HACD3: variants seen among roughly 807,000 people sequenced by gnomAD.
HACD3 encodes very-long-chain (3R)-3-hydroxyacyl-CoA dehydratase 3.
HACD3 carries 30 observed loss-of-function variants against 55.2 expected under a neutral mutation model. The observed-to-expected ratio is 0.54, with a 90% confidence interval of 0.41 to 0.74. HACD3 has a LOEUF of 0.74. HACD3 is among the 30% of genes least tolerant of loss of function. The pLI, the probability that HACD3 is intolerant of heterozygous loss-of-function variation, is 0.00. For synonymous variants in HACD3, 141 were observed against 151.7 expected (o/e 0.93, Z 0.52); for missense variants, 363 against 440.1 (o/e 0.82, Z 1.57).
rs143864751 is a variant in HACD3, at chr15:65,547,266, G to A, written c.88-4410G>A. Among the ~76,000 whole-genome samples the A allele has an allele frequency of 7.6e-3, 1,153 of 152,234 alleles. 15 individuals carry two copies. The highest frequency in any genetic ancestry group is 0.026 in the African/African-American group (1,098 of 41,548). Reference sequence around the variant, plus strand: ...TGAGTAGCTGGGATTACAGGCGCACGCCATCATGCCTGGCTAATTTTTGTA... The same window carrying A: ...TGAGTAGCTGGGATTACAGGCGCACACCATCATGCCTGGCTAATTTTTGTA... On this transcript the variant is annotated intron_variant, in intron 1 of 10. Transcript: ENST00000261875.
chr15:65,571,507 C>T, intron 8 of HACD3, 41 bp from the exon 9 acceptor site: 1 of 1,463,810 alleles, frequency 6.8e-7, no homozygotes, highest in Non-Finnish European at 9.5e-7. Context: ...CATTCGGAAC[C>T]TGAAGTGGCT....
At chr15:65,567,689 A>G (rs1037012892) in intron 7 of HACD3, among the ~76,000 whole-genome samples, 10 of 152,200 alleles carry the variant, frequency 6.6e-5, no homozygotes, top group Non-Finnish European at 8.8e-5. Context: ...TGTTACATAC[A>G]TACAATGGGA....
At chr15:65,574,274 A>G (rs561035682) in intron 10 of HACD3, 1 of 152,286 alleles carries the variant, frequency 6.6e-6, no homozygotes, top group African/African-American at 2.4e-5. Flanking sequence ...ATCTGCTCCA[A>G]GCTCACTCTT....
chr15:65,554,716 A>C (rs987615773), intron 2 of HACD3, among the ~76,000 whole-genome samples, 171 bp from the exon 3 acceptor site: 4 of 152,102 alleles, frequency 2.6e-5, no homozygotes, highest in Non-Finnish European at 4.4e-5. Flanking sequence ...CGGAGCTTGC[A>C]GTGAGCCGAG....
At chr15:65,569,885 T>C (rs2072331464) in intron 7 of HACD3, among the ~76,000 whole-genome samples, 1 of 152,238 alleles carries the variant, frequency 6.6e-6, no homozygotes, top group South Asian at 2.1e-4. Flanking sequence ...ATTTATGATA[T>C]AGTTACACAA....
chr15:65,568,311 C>CCACTCAACT (rs2072312854), intron 7 of HACD3, among the ~76,000 whole-genome samples: 1 of 151,696 alleles, frequency 6.6e-6, no homozygotes, highest in South Asian at 2.1e-4. Flanking sequence ...GTATTTGATA[C>CCACTCAACT]CACTCAACTA....
At chr15:65,540,335 G>C (rs1025409657) in intron 1 of HACD3, among the ~76,000 whole-genome samples, 9 of 152,084 alleles carry the variant, frequency 5.9e-5, no homozygotes, top group African/African-American at 2.2e-4. Context: ...TCAGATTGAG[G>C]GAGACAGACA....
At chr15:65,548,374 A>T (rs138697854) in intron 1 of HACD3, among the ~76,000 whole-genome samples, 1 of 152,022 alleles carries the variant, frequency 6.6e-6, no homozygotes, top group East Asian at 1.9e-4. Context: ...TTAGCCAGGC[A>T]TGGTGATGTG....
At chr15:65,574,752 C>T (rs112545379) in intron 10 of HACD3, among the ~76,000 whole-genome samples, 1 of 152,160 alleles carries the variant, frequency 6.6e-6, no homozygotes, top group Non-Finnish European at 1.5e-5. Context: ...GGGTATAATC[C>T]ATTTCAGAAA....
chr15:65,576,655 G>T lies in HACD3; in HGVS notation c.*276G>T. 2.2e-6 allele frequency: 1 copy of T among 455,758 alleles called. No individual in the cohort carries two copies. Among genetic ancestry groups the T allele is most frequent in the Non-Finnish European group, 3.9e-6 (1 of 255,472 alleles). The allele number at this position is 455,758 out of a possible 1,614,324, so 28.2% of individuals were successfully genotyped here. On this transcript the variant is annotated 3_prime_UTR_variant, in exon 11 of 11. Transcript: ENST00000261875. ...CCACCCCAACCCTATCTCATGTTCA[G>T]TCTGTCTAATACATGCCAGAGATTT...
chr15:65,573,494 G>C (rs967594379), intron 10 of HACD3, among the ~76,000 whole-genome samples: 3 of 151,948 alleles, frequency 2.0e-5, no homozygotes, highest in Admixed American at 2.0e-4. Flanking sequence ...TGTAATTCCA[G>C]CTACTTGGGA....
chr15:65,535,714 G>A, intron 1 of HACD3: 1 of 401,702 alleles, frequency 2.5e-6, no homozygotes, highest in Non-Finnish European at 4.4e-6. Flanking sequence ...TTTTTTTTTT[G>A]AGGCAGGGTC....
At chr15:65,573,761 A>AT (rs544059385) in intron 10 of HACD3, among the ~76,000 whole-genome samples, 87 of 152,304 alleles carry the variant, frequency 5.7e-4, no homozygotes, top group African/African-American at 1.9e-3. Context: ...GAGAAAAATA[A>AT]TTTTTTCCTT....
Position 65,572,871 on chromosome 15 carries a change from C to T in HACD3, c.1012+505C>T, listed in dbSNP as rs2072362070. ...CAGAGGTTGCAGTGACCTGAGATTG[C>T]AGCATTGCACTCCACCCTGGGCGAC... On this transcript the variant is annotated intron_variant, in intron 10 of 10. Transcript: ENST00000261875. 2.1e-5 allele frequency among the ~76,000 whole-genome samples: 3 copies of T among 145,108 alleles called. No homozygotes were observed. In the East Asian group the frequency reaches 6.0e-4, roughly 29 times the overall value.
intron 1 of HACD3, among the ~76,000 whole-genome samples, chr15:65,538,801 C>A (rs1225960297): frequency 1.3e-5 from 2 of 152,214 alleles, no homozygotes; most frequent in African/African-American, 4.8e-5. Flanking sequence ...CCACTCCAGC[C>A]TTCAGCAGTC....
At position 65,567,357 on chromosome 15, in the gene HACD3, G is replaced by GT. The variant is rs567822905; in HGVS notation, c.661-2733dup. ...AAAATAAAAATTTAATGGATAGTTT[G>GT]TGTTGTAGATTAGACATAGCTGAAG... On this transcript the variant is annotated intron_variant, in intron 7 of 10. Coordinates refer to ENST00000261875, the MANE Select transcript of HACD3 (RefSeq NM_016395.4). 2.3e-3 allele frequency among the ~76,000 whole-genome samples: 355 copies of GT among 152,198 alleles called. 2 individuals are homozygous for GT. The highest frequency in any genetic ancestry group is 8.0e-3 in the African/African-American group (333 of 41,520).
At position 65,572,242 on chromosome 15, in the gene HACD3, A is replaced by G; in HGVS notation, c.888A>G (p.Ser296=). The change falls in exon 10 of 11, where the codon TCA becomes TCG. Residue 296 remains serine (S), a synonymous_variant. Transcript: ENST00000261875. ...YPLGCLAEAV[S]VIQSIPIFNE... is the part of the protein sequence containing the mutation. ...TCTTGTTTCTGTTTTCAGCTGTCTCAGTGATTCAGTCCATTCCAATATTCA... is the reference window on the plus strand; with the variant it reads ...TCTTGTTTCTGTTTTCAGCTGTCTCGGTGATTCAGTCCATTCCAATATTCA... The G allele has an allele frequency of 1.9e-6, 3 of 1,612,168 alleles. No individual in the cohort carries two copies. The highest frequency in any genetic ancestry group is 2.5e-6 in the Non-Finnish European group (3 of 1,179,516).
chr15:65,540,458 G>T (rs2072009382), intron 1 of HACD3, among the ~76,000 whole-genome samples: 1 of 152,200 alleles, frequency 6.6e-6, no homozygotes, highest in Non-Finnish European at 1.5e-5. Flanking sequence ...GTCAGGGAAG[G>T]CTTCCTTGAA....
intron 1 of HACD3, among the ~76,000 whole-genome samples, chr15:65,536,895 C>CCAAG (rs2071960556): frequency 1.3e-5 from 2 of 152,136 alleles, no homozygotes; most frequent in Admixed American, 1.3e-4. Flanking sequence ...GAAAGCTAGG[C>CCAAG]CTCTTGCACC....
Sources: gnomAD v4.1 joint callset for allele counts (sites outside exome capture counted in the v4.1 genomes callset) on GRCh38, gnomAD v4.1.1 for gene constraint, MANE v1.5 for transcripts, NCBI Gene and HGNC (gene_info 2026-07-23, HGNC 2026-07-21) for gene names.